KIAA1549L: variants seen among roughly 807,000 people sequenced by gnomAD.
The protein encoded by KIAA1549L is KIAA1549 like.
In KIAA1549L, 88 loss-of-function variants were observed where a neutral mutation model predicts 160.7. The observed-to-expected ratio is 0.55, with a 90% CI of 0.46 to 0.65. The LOEUF (loss-of-function observed/expected upper bound fraction) is 0.65, where lower values mean the gene tolerates loss of function less well. KIAA1549L is among the 30% of genes least tolerant of loss of function. KIAA1549L has a pLI of 0.00. For synonymous variants in KIAA1549L, 950 were observed against 976.7 expected (o/e 0.97, Z 0.51); for missense variants, 2,258 against 2,437.5 (o/e 0.93, Z 1.55).
At chr11:33,610,100 G>A (rs902730333) in intron 15 of KIAA1549L, 134 bp downstream of exon 15, 8 of 661,448 alleles carry the variant, frequency 1.2e-5, no homozygotes, top group African/African-American at 5.4e-5. Flanking sequence ...TTTGTACCAC[G>A]CTGGTCTGTG....
intron 16 of KIAA1549L, among the ~76,000 whole-genome samples, chr11:33,630,490 T>C (rs1851252012): frequency 6.6e-6 from 1 of 152,256 alleles, no homozygotes; most frequent in African/African-American, 2.4e-5. Context: ...TGGTGCGCCA[T>C]TTTTTAAGCC....
At chr11:33,382,491 G>A (rs1057114470) in intron 1 of KIAA1549L, among the ~76,000 whole-genome samples, 14 of 152,076 alleles carry the variant, frequency 9.2e-5, no homozygotes, top group African/African-American at 3.4e-4. Context: ...TTCTTATGAA[G>A]TTTTTTCTCT....
intron 1 of KIAA1549L, among the ~76,000 whole-genome samples, chr11:33,441,629 G>A (rs920628340): frequency 9.2e-5 from 14 of 152,242 alleles, no homozygotes; most frequent in Non-Finnish European, 1.8e-4. Flanking sequence ...GTGTGAGATG[G>A]TATCTCATTG....
intron 8 of KIAA1549L, among the ~76,000 whole-genome samples, chr11:33,564,173 TTGACCTG>T (rs1446696019): frequency 6.6e-6 from 1 of 152,166 alleles, no homozygotes; most frequent in East Asian, 1.9e-4. Context: ...TGCCTTCCCT[TTGACCTG>T]TGACCACCTT....
At chr11:33,562,499 G>A (rs573862923) in intron 8 of KIAA1549L, among the ~76,000 whole-genome samples, 2 of 152,082 alleles carry the variant, frequency 1.3e-5, no homozygotes, top group Non-Finnish European at 1.5e-5. Context: ...TAAAGCCAAG[G>A]TGTTACAGGA....
rs1392590694 is a variant in KIAA1549L at position 33,668,817 on chromosome 11, GAA to G, written c.*664_*665del. On this transcript the variant is annotated 3_prime_UTR_variant, in exon 21 of 21. Transcript: ENST00000658780. ...GCCAAGAAAGAGAGAAGATGAGAGG[GAA>G]TGGTGGATTTGCGTTGACAGATTTT... 1 of 152,230 alleles carries G rather than the reference GAA, an allele frequency of 6.6e-6. No individual in the cohort carries two copies. Among genetic ancestry groups the G allele is most frequent in the Non-Finnish European group, 1.5e-5 (1 of 68,058 alleles). The allele number at this position is 152,230 out of a possible 1,614,324, so 9.4% of individuals were successfully genotyped here.
At chr11:33,391,959 T>TAACA (rs1426985001) in intron 1 of KIAA1549L, among the ~76,000 whole-genome samples, 1 of 152,236 alleles carries the variant, frequency 6.6e-6, no homozygotes, top group Non-Finnish European at 1.5e-5. Context: ...ATAAGAAGAC[T>TAACA]AACATTTATG....
chr11:33,517,792 G>A (rs1166464751), intron 1 of KIAA1549L, among the ~76,000 whole-genome samples: 1 of 152,090 alleles, frequency 6.6e-6, no homozygotes, highest in African/African-American at 2.4e-5. Context: ...AAGGGCTCAG[G>A]CTCTTCTTCA....
In KIAA1549L at chr11:33,668,290, A is replaced by G. The variant is rs1852555671; in HGVS notation, c.*136A>G. On this transcript the variant is annotated 3_prime_UTR_variant, in exon 21 of 21. Transcript: ENST00000658780. ...CCCTCCATTTCTGAAAAGGTGAACT[A>G]TGGGGCTTCTGGGAACAGGAAACTC... The G allele has an allele frequency of 2.5e-6, 2 of 807,402 alleles. No individual in the cohort carries two copies. Among genetic ancestry groups the G allele is most frequent in the Non-Finnish European group, 3.8e-6 (2 of 519,492 alleles). 50.0% of individuals were successfully genotyped at this position (807,402 alleles called of 1,614,324 possible).
At chr11:33,647,432 T>A (rs1019971336) in intron 17 of KIAA1549L, among the ~76,000 whole-genome samples, 10 of 151,634 alleles carry the variant, frequency 6.6e-5, no homozygotes, top group Non-Finnish European at 1.2e-4. Context: ...AAGTAGCAAT[T>A]ACATTTCCAT....
rs59726227 is a variant in KIAA1549L, at chr11:33,410,158, G to A, written c.238+33269G>A. On this transcript the variant is annotated intron_variant, in intron 1 of 20. Transcript: ENST00000658780. ...CAATTTTTGGAGAAGAAAAGCAAGTGGGCTAGAGAAGTTACCATTAAAGAG... is the reference window on the plus strand; with the variant it reads ...CAATTTTTGGAGAAGAAAAGCAAGTAGGCTAGAGAAGTTACCATTAAAGAG... 6.4e-3 allele frequency among the ~76,000 whole-genome samples: 967 copies of A among 152,178 alleles called. 8 individuals carry two copies. The highest frequency in any genetic ancestry group is 0.022 in the African/African-American group (925 of 41,504).
chr11:33,392,952 C>T (rs1293293208), intron 1 of KIAA1549L, among the ~76,000 whole-genome samples: 3 of 152,170 alleles, frequency 2.0e-5, no homozygotes, highest in Non-Finnish European at 1.5e-5. Flanking sequence ...TTTTGGTCCA[C>T]GTTCTTACCA....
intron 1 of KIAA1549L, among the ~76,000 whole-genome samples, chr11:33,430,060 C>CT (rs1851204528): frequency 8.8e-5 from 7 of 79,154 alleles, no homozygotes; most frequent in African/African-American, 3.5e-4. Flanking sequence ...CCTTCCCTCT[C>CT]TCCTCCGTTC....
intron 1 of KIAA1549L, among the ~76,000 whole-genome samples, chr11:33,526,351 G>A (rs1025484664): frequency 3.3e-5 from 5 of 152,178 alleles, no homozygotes; most frequent in African/African-American, 1.2e-4. Flanking sequence ...TTCACTGCTA[G>A]CATAACCAGC....
chr11:33,662,168 T>C (rs771609478), intron 20 of KIAA1549L, among the ~76,000 whole-genome samples: 6 of 152,198 alleles, frequency 3.9e-5, no homozygotes, highest in Non-Finnish European at 5.9e-5. Flanking sequence ...ATTGACCTTA[T>C]ATTGTGAAAT....
chr11:33,540,098 C>G (rs987492671), intron 1 of KIAA1549L, among the ~76,000 whole-genome samples: 1 of 152,174 alleles, frequency 6.6e-6, no homozygotes, highest in African/African-American at 2.4e-5. Context: ...GTCATTCAGT[C>G]AGTTACAGAT....
chr11:33,647,699 G>A (rs1362039183), intron 17 of KIAA1549L, among the ~76,000 whole-genome samples: 1 of 152,096 alleles, frequency 6.6e-6, no homozygotes, highest in Non-Finnish European at 1.5e-5. Context: ...GGGTTTCAGA[G>A]AGAAAGGCCT....
At chr11:33,666,960 G>A (rs973244215) in intron 20 of KIAA1549L, among the ~76,000 whole-genome samples, 4 of 152,174 alleles carry the variant, frequency 2.6e-5, no homozygotes, top group African/African-American at 9.7e-5. Context: ...GGGCTCAGTC[G>A]ATGTTGTTAT....
intron 1 of KIAA1549L, among the ~76,000 whole-genome samples, chr11:33,389,315 A>G (rs1300053794): frequency 6.6e-6 from 1 of 152,206 alleles, no homozygotes; most frequent in Non-Finnish European, 1.5e-5. Context: ...CTGAAGAAAA[A>G]TGGGAAGTGT....
Sources: allele counts gnomAD v4.1 joint callset (sites outside exome capture counted in the v4.1 genomes callset), GRCh38; gene constraint gnomAD v4.1.1; transcripts MANE v1.5; gene names NCBI Gene and HGNC (gene_info 2026-07-23, HGNC 2026-07-21).